Variants in PECAM1 observed in about 807,000 individuals in gnomAD.
PECAM1 encodes platelet and endothelial cell adhesion molecule 1.
Under a neutral mutation model 13.8 loss-of-function variants are expected in PECAM1, and 8 were observed. The observed-to-expected ratio is 0.58, with a 90% CI of 0.34 to 1.05. PECAM1 has a LOEUF of 1.05. Among genes scored for constraint, PECAM1 ranks in the 50% least tolerant of loss-of-function variants. The pLI, the probability that PECAM1 is intolerant of heterozygous loss-of-function variation, is 0.03. For missense variants in PECAM1, 304 were observed against 141.2 expected (o/e 2.15, Z -5.84); for synonymous variants, 136 against 52.6 (o/e 2.58, Z -6.86).
chr17:64,346,346 A>AT (rs1214102201), intron 13 of PECAM1, among the ~76,000 whole-genome samples: 1 of 151,164 alleles, frequency 6.6e-6, no homozygotes, highest in Non-Finnish European at 1.5e-5. Context: ...TGCATTTTTA[A>AT]TTTTTTTTTA....
Position 64,322,666 on chromosome 17 carries a change from T to G in PECAM1, c.*1150A>C, listed in dbSNP as rs958336896. 1 of 985,266 alleles carries G rather than the reference T, an allele frequency of 1.0e-6. No individual in the cohort carries two copies. Among genetic ancestry groups the G allele is most frequent in the African/African-American group, 1.7e-5 (1 of 57,228 alleles). 61.0% of individuals were successfully genotyped at this position (985,266 alleles called of 1,614,324 possible). On this transcript the variant is annotated 3_prime_UTR_variant, in exon 16 of 16. Transcript: ENST00000563924. ...CCTCTCTCCCACCCACTCAAGACAC[T>G]GTCAGGAATGTCTTAAGACCTCAGG...
intron 4 of PECAM1, chr17:64,370,242 C>T (rs1436747726): frequency 2.8e-6 from 1 of 362,764 alleles, no homozygotes; most frequent in East Asian, 4.0e-5. Context: ...CACTGCAATT[C>T]TCTGGGTTTC....
intron 3 of PECAM1, among the ~76,000 whole-genome samples, chr17:64,376,060 T>G (rs1395310163): frequency 6.6e-6 from 1 of 151,838 alleles, no homozygotes; most frequent in African/African-American, 2.4e-5. Flanking sequence ...TCTCAACACT[T>G]TGGGAGGCTG....
At chr17:64,326,199 C>T (rs1253262309) in intron 15 of PECAM1, among the ~76,000 whole-genome samples, 1 of 152,180 alleles carries the variant, frequency 6.6e-6, no homozygotes, top group African/African-American at 2.4e-5. Context: ...GCAGGCAGCA[C>T]CTAAGTCCAC....
intron 12 of PECAM1, among the ~76,000 whole-genome samples, chr17:64,348,559 C>T (rs1346092227): frequency 6.6e-6 from 1 of 151,902 alleles, no homozygotes. Flanking sequence ...AGGTGTGCAC[C>T]ACCATGCCCA....
chr17:64,387,018 G>A (rs1274117318), intron 2 of PECAM1, among the ~76,000 whole-genome samples: 1 of 152,140 alleles, frequency 6.6e-6, no homozygotes, highest in Non-Finnish European at 1.5e-5. Flanking sequence ...CCAGGAGCCC[G>A]CAGAGACCAG....
rs914234346 is a variant in PECAM1, at chr17:64,348,346, T to C, written c.2045-24A>G. 29 of 474,974 alleles carry C rather than the reference T, an allele frequency of 6.1e-5. No individual in the cohort carries two copies. The East Asian group carries it at 8.7e-4, about 14-fold the overall frequency. The allele number at this position is 474,974 out of a possible 1,614,324, so 29.4% of individuals were successfully genotyped here. A position where few individuals can be genotyped will look rare whatever the true frequency, so the allele number is the denominator to read the frequency against. On this transcript the variant is annotated intron_variant, in intron 12 of 15. Coordinates refer to ENST00000563924, the MANE Select transcript of PECAM1 (RefSeq NM_000442.5). ...CTCTGCTCAAAGAAACCACAGCAGC[T>C]TGTTGTTTAGGTGGAATCTCTTGTG...
intron 13 of PECAM1, among the ~76,000 whole-genome samples, chr17:64,342,744 G>A (rs956126509): frequency 2.0e-5 from 3 of 152,036 alleles, no homozygotes; most frequent in Non-Finnish European, 4.4e-5. Flanking sequence ...ACTCAAGGGC[G>A]CCCTTCCTGC....
At chr17:64,387,338 GT>G (rs1456576776) in intron 2 of PECAM1, among the ~76,000 whole-genome samples, 11 of 152,104 alleles carry the variant, frequency 7.2e-5, no homozygotes, top group Non-Finnish European at 1.6e-4. Context: ...GAGAGGTGAG[GT>G]GGGTAGGCAC....
chr17:64,342,098 C>T (rs2035446314), intron 13 of PECAM1, among the ~76,000 whole-genome samples: 1 of 150,676 alleles, frequency 6.6e-6, no homozygotes. Flanking sequence ...TGCAGTGAGC[C>T]AAGATTGCGC....
chr17:64,363,948 G>A (rs1484499229), intron 5 of PECAM1, among the ~76,000 whole-genome samples: 1 of 152,106 alleles, frequency 6.6e-6, no homozygotes, highest in African/African-American at 2.4e-5. Context: ...CCTTAAGCTA[G>A]CAGAAGGCAA....
At chr17:64,340,935 T>G (rs1254176383) in intron 14 of PECAM1, among the ~76,000 whole-genome samples, 1 of 151,996 alleles carries the variant, frequency 6.6e-6, no homozygotes, top group Non-Finnish European at 1.5e-5. Flanking sequence ...CCGTCTCTAC[T>G]AAAAATACAA....
At chr17:64,333,297 G>A (rs1597996942) in intron 14 of PECAM1, among the ~76,000 whole-genome samples, 2 of 152,292 alleles carry the variant, frequency 1.3e-5, no homozygotes, top group African/African-American at 2.4e-5. Context: ...CAGTAATCAG[G>A]TGGGATGTGC....
intron 14 of PECAM1, among the ~76,000 whole-genome samples, chr17:64,333,491 G>A (rs1042695428): frequency 3.9e-5 from 6 of 152,140 alleles, no homozygotes; most frequent in South Asian, 4.2e-4. Context: ...GTGCATTGTC[G>A]CATGTTTAGC....
In PECAM1 at chr17:64,319,814, T is replaced by C. The variant is rs1298820096; in HGVS notation, c.*4002A>G. 2 of 152,198 alleles carry C rather than the reference T, an allele frequency of 1.3e-5. No individual in the cohort carries two copies. Among genetic ancestry groups the C allele is most frequent in the African/African-American group, 2.4e-5 (1 of 41,454 alleles). 9.4% of individuals were successfully genotyped at this position (152,198 alleles called of 1,614,324 possible). A position where few individuals can be genotyped will look rare whatever the true frequency, so the allele number is the denominator to read the frequency against. ...TGCTTGCCCAGCTCCTGAGATCTTA[T>C]CGGGAAGCGGCTGATCACCAGATCA... On this transcript the variant is annotated 3_prime_UTR_variant, in exon 16 of 16. Coordinates refer to ENST00000563924, the MANE Select transcript of PECAM1 (RefSeq NM_000442.5).
intron 2 of PECAM1, among the ~76,000 whole-genome samples, chr17:64,389,174 C>T (rs962953818): frequency 1.3e-4 from 20 of 152,322 alleles, no homozygotes; most frequent in African/African-American, 4.8e-4. Flanking sequence ...GCTTGACTCA[C>T]CAGCTAGCCT....
intron 14 of PECAM1, among the ~76,000 whole-genome samples, chr17:64,335,507 C>T (rs920097760): frequency 5.9e-5 from 9 of 151,894 alleles, no homozygotes; most frequent in Non-Finnish European, 1.3e-4. Flanking sequence ...GGTTTGGCAA[C>T]AAACAATGGA....
chr17:64,390,555 C>A, intron 1 of PECAM1, 40 bp from the exon 2 acceptor site: 1 of 473,772 alleles, frequency 2.1e-6, no homozygotes, highest in Non-Finnish European at 3.9e-6. Context: ...CCAGAAGCTT[C>A]GATGCTCATG....
chr17:64,388,552 A>G (rs2036649547), intron 2 of PECAM1, among the ~76,000 whole-genome samples: 1 of 152,250 alleles, frequency 6.6e-6, no homozygotes, highest in Admixed American at 6.5e-5. Context: ...AAACTGGTCT[A>G]AAAGACTTGA....
Sources: gnomAD v4.1 joint callset for allele counts (sites outside exome capture counted in the v4.1 genomes callset) on GRCh38, gnomAD v4.1.1 for gene constraint, MANE v1.5 for transcripts, NCBI Gene and HGNC (gene_info 2026-07-23, HGNC 2026-07-21) for gene names.